Variants in PARVG observed in about 807,000 individuals in gnomAD.
PARVG encodes gamma-parvin.
Under a neutral mutation model 44.4 loss-of-function variants are expected in PARVG, and 36 were observed. The observed-to-expected ratio is 0.81, with a 90% CI of 0.62 to 1.07. The LOEUF is 1.07. Ranked by LOEUF, PARVG falls within the 50% of genes least tolerant of loss-of-function variation. The probability of loss-of-function intolerance (pLI) is 0.00; values close to 1 mark genes in which losing one functional copy is unlikely to be tolerated. For missense variants in PARVG, 407 were observed against 407.4 expected, an observed-to-expected ratio of 1.00 and a Z score of 0.01; for synonymous variants, 170 against 174.1, an observed-to-expected ratio of 0.98 and a Z score of 0.19.
chr22:44,198,529 A>G (rs976344160), intron 11 of PARVG, 92 bp from the exon 12 acceptor site: 5 of 934,388 alleles, frequency 5.4e-6, no homozygotes, highest in Non-Finnish European at 8.5e-6. Context: ...GAGAAGTTGT[A>G]TGACTTCCTT....
rs1457908393 is a variant in PARVG at position 44,181,822 on chromosome 22, G to A, written c.-108G>A. On this transcript the variant is annotated 5_prime_UTR_variant, in exon 2 of 14. Coordinates refer to ENST00000444313, the MANE Select transcript of PARVG (RefSeq NM_022141.7). ...CCTGCCTCCCGGCCTGGTCCCCGAA[G>A]ACCCCAGAAGAACCCGGAACTTGCT... 1.0e-6 allele frequency: 1 copy of A among 985,520 alleles called. No homozygotes were observed. The highest frequency in any genetic ancestry group is 1.2e-6 in the Non-Finnish European group (1 of 829,990). 61.0% of individuals were successfully genotyped at this position (985,520 alleles called of 1,614,324 possible).
rs560754614 is a variant in PARVG, at chr22:44,173,888, G to T, written c.-189+697G>T. The stretch of plus-strand genomic sequence containing the variant: ...CAGCAAAGAATCACCGGGCCCCCCT[G>T]TGCACTGTGCTGAGGTTGGGAAGCC... On this transcript the variant is annotated intron_variant, in intron 1 of 13. Transcript: ENST00000422871. Among the ~76,000 whole-genome samples, 26 of 152,316 alleles carry T rather than the reference G, an allele frequency of 1.7e-4. No individual in the cohort carries two copies. In the South Asian group the frequency reaches 1.9e-3, roughly 11 times the overall value.
At chr22:44,195,741 C>T (rs2054609063) in intron 9 of PARVG, among the ~76,000 whole-genome samples, 1 of 152,104 alleles carries the variant, frequency 6.6e-6, no homozygotes, top group Non-Finnish European at 1.5e-5. Flanking sequence ...CTCCCGTGGC[C>T]CTGGGGAGTG....
chr22:44,177,091 C>A (rs1372300146), upstream of PARVG, among the ~76,000 whole-genome samples: 1 of 152,134 alleles, frequency 6.6e-6, no homozygotes, highest in African/African-American at 2.4e-5. Flanking sequence ...AACCATATCA[C>A]TATGTTTACC....
In PARVG at chr22:44,206,835, CT is replaced by C; in HGVS notation, c.*413del. ...CAGGGCCCACAGCCCCAGACCCCAC[CT>C]TTTCCAGCCCAGCTCCCCACACCCA... On this transcript the variant is annotated 3_prime_UTR_variant, in exon 14 of 14. Transcript: ENST00000444313. The C allele has an allele frequency of 4.9e-6, 1 of 202,774 alleles. No individual in the cohort carries two copies. The highest frequency in any genetic ancestry group is 9.9e-6 in the Non-Finnish European group (1 of 101,042). The allele number at this position is 202,774 out of a possible 1,614,324, so 12.6% of individuals were successfully genotyped here.
chr22:44,206,508 C>T lies in PARVG; in HGVS notation c.*82C>T, dbSNP rs907866758. ...GCTGCAGGGTGTCCTCCCACAGTCC[C>T]GCTGTTTCCTGTGCATTCGTGACCC... is the stretch of plus-strand genomic sequence containing the variant. On this transcript the variant is annotated 3_prime_UTR_variant, in exon 14 of 14. Coordinates refer to ENST00000444313, the MANE Select transcript of PARVG (RefSeq NM_022141.7). 52 of 1,261,842 alleles carry T rather than the reference C, an allele frequency of 4.1e-5. No homozygotes were observed. The highest frequency in any genetic ancestry group is 1.9e-4 in the Middle Eastern group (1 of 5,212). 78.2% of individuals were successfully genotyped at this position (1,261,842 alleles called of 1,614,324 possible).
At chr22:44,202,185 C>T (rs1317145627) in intron 12 of PARVG, among the ~76,000 whole-genome samples, 1 of 152,228 alleles carries the variant, frequency 6.6e-6, no homozygotes, top group Admixed American at 6.5e-5. Flanking sequence ...TAGGGTCCTC[C>T]CTGTTTCCCT....
Position 44,205,888 on chromosome 22 carries a change from A to G in PARVG, c.886+59A>G, listed in dbSNP as rs955081790. 1.3e-5 allele frequency: 20 copies of G among 1,575,614 alleles called. 1 individual carries two copies. The Admixed American group carries it at 3.6e-4, about 28-fold the overall frequency. ...GCCCTGGGTGGCAGCCTTGTGCGAG[A>G]GCCACAGAACAGGGTGCAGGGCATT... On this transcript the variant is annotated intron_variant, in intron 13 of 13. Transcript: ENST00000444313.
intron 9 of PARVG, 196 bp from the exon 10 acceptor site, chr22:44,195,959 G>A (rs547232171): frequency 2.0e-5 from 12 of 598,396 alleles, no homozygotes; most frequent in Admixed American, 8.8e-5. Flanking sequence ...AGAGAGAGAC[G>A]GTGACTCCCC....
At chr22:44,178,068 A>G (rs1601723918), upstream of PARVG, among the ~76,000 whole-genome samples, 1 of 151,870 alleles carries the variant, frequency 6.6e-6, no homozygotes, top group African/African-American at 2.4e-5. Context: ...CTCCCCCTTC[A>G]CCTTCCACCA....
At chr22:44,191,931 CAATT>C (rs2054553823) in intron 7 of PARVG, 114 bp from the exon 8 acceptor site, 1 of 1,161,500 alleles carries the variant, frequency 8.6e-7, no homozygotes, top group African/African-American at 1.5e-5. Context: ...GGAAGAAAGA[CAATT>C]AAGCCAGAGG....
At chr22:44,197,418 C>T (rs1465287549) in intron 11 of PARVG, among the ~76,000 whole-genome samples, 1 of 152,202 alleles carries the variant, frequency 6.6e-6, no homozygotes, top group Non-Finnish European at 1.5e-5. Context: ...GGTTAATTAA[C>T]TTGTCTAAAG....
At chr22:44,205,594 G>T (rs1016476785) in intron 12 of PARVG, among the ~76,000 whole-genome samples, 163 bp from the exon 13 acceptor site, 3 of 152,216 alleles carry the variant, frequency 2.0e-5, no homozygotes, top group Non-Finnish European at 4.4e-5. Context: ...GGAGATGCTG[G>T]ATGACCACGG....
intron 4 of PARVG, chr22:44,186,906 G>A (rs1012644259): frequency 1.2e-4 from 39 of 324,352 alleles, no homozygotes; most frequent in African/African-American, 4.5e-4. Context: ...CCCCTGCCCC[G>A]ACAACCTCCT....
At chr22:44,187,746 C>T in intron 4 of PARVG, 30 bp from the exon 5 acceptor site, 1 of 1,609,814 alleles carries the variant, frequency 6.2e-7, no homozygotes, top group South Asian at 1.1e-5. Flanking sequence ...GTCTCCATCC[C>T]CCCAAAAGTT....
chr22:44,178,890 T>C (rs1277109287), upstream of PARVG, among the ~76,000 whole-genome samples: 1 of 152,226 alleles, frequency 6.6e-6, no homozygotes, highest in Admixed American at 6.5e-5. Flanking sequence ...TTCTTAGGTA[T>C]CATAATGGTA....
At chr22:44,181,417 G>C (rs1412031791) in intron 1 of PARVG, 1 of 985,012 alleles carries the variant, frequency 1.0e-6, no homozygotes, top group Non-Finnish European at 1.2e-6. Flanking sequence ...GCCTGGCCCG[G>C]GGCGGGGTGT....
chr22:44,195,709 C>T (rs774786961), intron 9 of PARVG, among the ~76,000 whole-genome samples: 19 of 152,152 alleles, frequency 1.2e-4, no homozygotes, highest in Non-Finnish European at 2.6e-4. Context: ...ACTCATGGAC[C>T]CTGATCACCC....
At chr22:44,190,416 G>C in intron 6 of PARVG, 135 bp from the exon 7 acceptor site, 1 of 659,148 alleles carries the variant, frequency 1.5e-6, no homozygotes, top group Admixed American at 2.5e-5. Flanking sequence ...CGTATCTCCA[G>C]ATCTCTGCTC....
Sources: gnomAD v4.1 joint callset for allele counts (sites outside exome capture counted in the v4.1 genomes callset) on GRCh38, gnomAD v4.1.1 for gene constraint, MANE v1.5 for transcripts, NCBI Gene and HGNC (gene_info 2026-07-23, HGNC 2026-07-21) for gene names.